The following ZNF704 variants were observed in gnomAD, a reference collection of about 807,000 sequenced individuals.
The protein encoded by ZNF704 is glucocorticoid induced gene 1.
A neutral mutation model predicts 44.7 loss-of-function variants in ZNF704; 10 were observed. The observed-to-expected ratio is 0.22, with a 90% CI of 0.14 to 0.38. The LOEUF (loss-of-function observed/expected upper bound fraction) is 0.38, where lower values mean the gene tolerates loss of function less well. Ranked by LOEUF, ZNF704 falls within the 10% of genes least tolerant of loss-of-function variation. The probability of loss-of-function intolerance (pLI) is 1.00; values close to 1 mark genes in which losing one functional copy is unlikely to be tolerated. For synonymous variants in ZNF704, 211 were observed against 207.6 expected, an observed-to-expected ratio of 1.02 and a Z score of -0.14; for missense variants, 390 against 545.5, an observed-to-expected ratio of 0.71 and a Z score of 2.84.
At chr8:80,754,790 G>A (rs1173971240) in intron 2 of ZNF704, among the ~76,000 whole-genome samples, 1 of 152,138 alleles carries the variant, frequency 6.6e-6, no homozygotes, top group Non-Finnish European at 1.5e-5. Context: ...CTTCTCTAAC[G>A]CTGGTGCTCA....
chr8:80,643,052 T>C lies in ZNF704; in HGVS notation c.1110A>G (p.Arg370=). The C allele has an allele frequency of 6.3e-7, 1 of 1,592,224 alleles. No individual in the cohort carries two copies. Among genetic ancestry groups the C allele is most frequent in the Non-Finnish European group, 8.6e-7 (1 of 1,168,530 alleles). The change falls in exon 8 of 9, where the codon AGA becomes AGG. Residue 370 remains arginine, a synonymous_variant. Coordinates refer to ENST00000327835, the MANE Select transcript of ZNF704 (RefSeq NM_001033723.3). The part of the protein sequence containing the change: ...HAHTVLSSPP[R]GTVSLRKPRG... ...TGTCGTACCTTAAGCTGACTGTGCC[T>C]CTGGGTGGGGAGGACAGGACCGTGT...
chr8:80,878,249 AAAGAAAGG>A (rs1189299580), upstream of ZNF704, among the ~76,000 whole-genome samples: 195 of 137,198 alleles, frequency 1.4e-3, 3 homozygotes, highest in Non-Finnish European at 1.9e-3. Flanking sequence ...AAAGAAAGAG[AAAGAAAGG>A]AAGGAAGGAA....
intron 2 of ZNF704, among the ~76,000 whole-genome samples, chr8:80,709,442 C>CAAAAAAA (rs780264820): frequency 1.9e-4 from 3 of 15,888 alleles, no homozygotes; most frequent in Non-Finnish European, 2.6e-4. Context: ...GACTCCATCT[C>CAAAAAAA]AAAAAAAAAA....
rs771781045 is a variant in ZNF704 at position 80,641,407 on chromosome 8, C to A, written c.1198G>T (p.Ala400Ser). 1.9e-6 allele frequency: 3 copies of A among 1,613,240 alleles called. No individual in the cohort carries two copies. The highest frequency in any genetic ancestry group is 1.1e-5 in the South Asian group (1 of 91,002). The change falls in exon 9 of 9, where the codon GCC (alanine) becomes TCC (serine). Residue 400 changes from alanine to serine, a missense_variant. This residue lies in a region of ZNF704 where 305 missense variants were observed against 435.7 expected (regional missense o/e 0.70). Coordinates refer to ENST00000327835, the MANE Select transcript of ZNF704 (RefSeq NM_001033723.3). ...GMENRDMWCT[A>S]CRWKKACQRF... ...TGGCAGGCCTTCTTCCAGCGGCAGG[C>A]GGTACACCACATGTCTCGGTTCTCC...
chr8:80,653,943 T>A (rs1017425675), intron 7 of ZNF704, among the ~76,000 whole-genome samples: 12 of 152,096 alleles, frequency 7.9e-5, no homozygotes. Flanking sequence ...CAAACTATAC[T>A]ACAAGGCTAC....
intron 1 of ZNF704, among the ~76,000 whole-genome samples, chr8:80,822,149 C>A (rs1036042085): frequency 6.6e-6 from 1 of 151,972 alleles, no homozygotes; most frequent in Non-Finnish European, 1.5e-5. Context: ...ACTTTAAGTT[C>A]TAGGGTAAAT....
At chr8:80,723,610 G>A (rs1225839649) in intron 2 of ZNF704, among the ~76,000 whole-genome samples, 2 of 152,288 alleles carry the variant, frequency 1.3e-5, no homozygotes, top group African/African-American at 2.4e-5. Flanking sequence ...AATCTCTATG[G>A]TATTTAGATT....
At chr8:80,791,230 C>CAGAAGAGGATAATCAACA (rs1424867263) in intron 2 of ZNF704, among the ~76,000 whole-genome samples, 1 of 152,080 alleles carries the variant, frequency 6.6e-6, no homozygotes, top group African/African-American at 2.4e-5. Flanking sequence ...ACTTTTTGGG[C>CAGAAGAGGATAATCAACA]AGAAGAGGAT....
intron 1 of ZNF704, among the ~76,000 whole-genome samples, chr8:80,857,602 ACATTTT>A (rs1015278135): frequency 2.6e-5 from 4 of 152,204 alleles, no homozygotes; most frequent in Admixed American, 6.5e-5. Flanking sequence ...AATGTATCAT[ACATTTT>A]ATATCACTAG....
chr8:80,807,741 A>G (rs1808014246), intron 2 of ZNF704, among the ~76,000 whole-genome samples: 1 of 152,224 alleles, frequency 6.6e-6, no homozygotes, highest in African/African-American at 2.4e-5. Flanking sequence ...ACTGAGAGAA[A>G]ATGACCTGCC....
At chr8:80,651,167 T>C (rs973731234) in intron 7 of ZNF704, among the ~76,000 whole-genome samples, 2 of 151,850 alleles carry the variant, frequency 1.3e-5, no homozygotes, top group Admixed American at 6.6e-5. Context: ...CTGAAGGAAG[T>C]GCTAAACATG....
intron 2 of ZNF704, among the ~76,000 whole-genome samples, chr8:80,789,765 A>T (rs1488384993): frequency 6.6e-6 from 1 of 151,982 alleles, no homozygotes; most frequent in East Asian, 1.9e-4. Flanking sequence ...AACAAAAAAA[A>T]ACCCCTAAAA....
intron 1 of ZNF704, among the ~76,000 whole-genome samples, chr8:80,859,574 T>C (rs994845313): frequency 3.3e-5 from 5 of 152,242 alleles, no homozygotes; most frequent in African/African-American, 1.2e-4. Flanking sequence ...CACGTATGAA[T>C]GATGCTGTTG....
At chr8:80,784,753 C>A (rs747361854) in intron 2 of ZNF704, among the ~76,000 whole-genome samples, 3 of 152,184 alleles carry the variant, frequency 2.0e-5, no homozygotes, top group Admixed American at 6.5e-5. Flanking sequence ...TGACGAAGTA[C>A]AGCTTATTAA....
rs1309168728 is a variant in ZNF704 at position 80,638,248 on chromosome 8, C to A, written c.*3118G>T. On this transcript the variant is annotated 3_prime_UTR_variant, in exon 9 of 9. Coordinates refer to ENST00000327835, the MANE Select transcript of ZNF704 (RefSeq NM_001033723.3). ...TGTCCTGTCAGTCACTATGAAATGACTTCTTTGGAGAGAGATGAAAAACCT... is the reference window on the plus strand; with the variant it reads ...TGTCCTGTCAGTCACTATGAAATGAATTCTTTGGAGAGAGATGAAAAACCT... 1 of 152,156 alleles carries A rather than the reference C, an allele frequency of 6.6e-6. No individual in the cohort carries two copies. The highest frequency in any genetic ancestry group is 1.5e-5 in the Non-Finnish European group (1 of 68,054). The allele number at this position is 152,156 out of a possible 1,614,324, so 9.4% of individuals were successfully genotyped here. A position where few individuals can be genotyped will look rare whatever the true frequency, so the allele number is the denominator to read the frequency against.
intron 1 of ZNF704, among the ~76,000 whole-genome samples, chr8:80,825,129 C>A (rs540336291): frequency 1.3e-5 from 2 of 152,186 alleles, no homozygotes; most frequent in South Asian, 4.2e-4. Context: ...CACAGACTGG[C>A]AAATTGGATA....
intron 2 of ZNF704, among the ~76,000 whole-genome samples, chr8:80,770,134 G>A (rs996446502): frequency 4.6e-5 from 7 of 152,142 alleles, no homozygotes; most frequent in African/African-American, 1.7e-4. Flanking sequence ...CTCTCACCAG[G>A]TCCCTCCCAC....
At chr8:80,703,490 G>A (rs1170779136) in intron 2 of ZNF704, among the ~76,000 whole-genome samples, 1 of 152,066 alleles carries the variant, frequency 6.6e-6, no homozygotes, top group East Asian at 1.9e-4. Flanking sequence ...GTTTTTGTTT[G>A]TTGAGGCAGG....
Position 80,788,150 on chromosome 8 carries a change from T to C in ZNF704, c.221+33224A>G, listed in dbSNP as rs553784054. Among the ~76,000 whole-genome samples the C allele has an allele frequency of 3.4e-4, 52 of 152,188 alleles. 1 individual carries two copies. Among genetic ancestry groups the C allele is most frequent in the Admixed American group, 1.7e-3 (26 of 15,266 alleles). On this transcript the variant is annotated intron_variant, in intron 2 of 8. Transcript: ENST00000327835. ...GATTTTTAAAAAGTGTTGCAATAAT[T>C]AGAGTAGTTGAATACTTTTATAAAC...
Sources: gnomAD v4.1 joint callset for allele counts (sites outside exome capture counted in the v4.1 genomes callset) on GRCh38, gnomAD v4.1.1 for gene constraint, gnomAD v4.1.1 regional missense constraint, MANE v1.5 for transcripts, NCBI Gene and HGNC (gene_info 2026-07-23, HGNC 2026-07-21) for gene names.